Variants in BLTP1 observed in about 807,000 individuals in gnomAD.
BLTP1 encodes bridge-like lipid transfer protein family member 1.
At chr4:122,303,210 C>T in the BLTP1 span, among the ~76,000 whole-genome samples, 7 of 152,200 alleles carry the variant, frequency 4.6e-5, no homozygotes, top group Admixed American at 1.3e-4. Context: ...TTAAGAATTA[C>T]GCTAAATCTC....
the BLTP1 span, chr4:122,171,713 A>G: frequency 1.1e-4 from 54 of 500,818 alleles, no homozygotes; most frequent in African/African-American, 2.6e-4. Flanking sequence ...GGGTAGGAAT[A>G]TAAGTAGAGA....
At chr4:122,349,145 T>C in the BLTP1 span, 1 of 1,600,046 alleles carries the variant, frequency 6.2e-7, no homozygotes, top group Non-Finnish European at 8.5e-7. The surrounding 1 kb of genome is among the most constrained non-coding windows in gnomAD (Gnocchi z 4.5). Flanking sequence ...ATAACCTTTT[T>C]TTCATTTTTT....
the BLTP1 span, chr4:122,153,988 T>A: frequency 2.0e-6 from 2 of 984,696 alleles, no homozygotes; most frequent in Admixed American, 1.2e-4. Context: ...AAAGCCAGAA[T>A]ACCTTGTATA....
chr4:122,359,222 A>T, the BLTP1 span: 1 of 608,838 alleles, frequency 1.6e-6, no homozygotes, highest in African/African-American at 2.0e-5. Flanking sequence ...ATGTACCCTA[A>T]AACTTAAAAG....
the BLTP1 span, among the ~76,000 whole-genome samples, chr4:122,167,120 G>T: frequency 1.3e-5 from 2 of 152,240 alleles, no homozygotes; most frequent in Non-Finnish European, 2.9e-5. Context: ...TTGAGGTGTT[G>T]TTGCTCTCAG....
the BLTP1 span, chr4:122,152,908 T>A: frequency 2.8e-5 from 22 of 796,286 alleles, no homozygotes; most frequent in Non-Finnish European, 3.3e-5. Flanking sequence ...ACCCGCAGGC[T>A]CGGACTGCAG....
chr4:122,230,647 G>A, the BLTP1 span, among the ~76,000 whole-genome samples: 3 of 152,028 alleles, frequency 2.0e-5, no homozygotes, highest in Admixed American at 6.5e-5. Context: ...AAGACTAAGA[G>A]TACTCAGGCC....
chr4:122,222,013 A>T, the BLTP1 span: 1 of 515,450 alleles, frequency 1.9e-6, no homozygotes. Flanking sequence ...AGACTGAATT[A>T]TAAAGTATGA....
chr4:122,200,091 C>T, the BLTP1 span: 1 of 941,804 alleles, frequency 1.1e-6, no homozygotes, highest in Non-Finnish European at 1.3e-6. Context: ...TTCTTAATTT[C>T]TTGTCTTAAA....
the BLTP1 span, chr4:122,347,477 C>T: frequency 6.3e-7 from 1 of 1,575,476 alleles, no homozygotes; most frequent in South Asian, 1.2e-5. Context: ...GGGATTTTAC[C>T]CTGTTACTTT....
At chr4:122,168,426 A>C in the BLTP1 span, among the ~76,000 whole-genome samples, 1 of 152,210 alleles carries the variant, frequency 6.6e-6, no homozygotes, top group Non-Finnish European at 1.5e-5. Flanking sequence ...TTTCCTCCTT[A>C]GTGATGTGCT....
the BLTP1 span, chr4:122,172,335 G>A: frequency 1.4e-6 from 1 of 723,090 alleles, no homozygotes; most frequent in Non-Finnish European, 1.7e-6. Flanking sequence ...AGAGCAAATT[G>A]ATTATCAAAA....
At chr4:122,226,547 A>AC in the BLTP1 span, 1 of 1,461,992 alleles carries the variant, frequency 6.8e-7, no homozygotes, top group Non-Finnish European at 9.0e-7. Context: ...TATTAAAGGT[A>AC]GAAAAAAATC....
the BLTP1 span, among the ~76,000 whole-genome samples, chr4:122,329,230 G>A: frequency 6.9e-3 from 1,042 of 151,710 alleles, 11 homozygotes; most frequent in African/African-American, 0.024. Flanking sequence ...TTATTATTGA[G>A]TTGGGAACAG....
the BLTP1 span, chr4:122,289,004 T>C: frequency 2.9e-6 from 4 of 1,384,496 alleles, no homozygotes; most frequent in African/African-American, 4.4e-5. Flanking sequence ...ATCTCTTTTT[T>C]CCTCAGTTTA....
chr4:122,354,519 T>A, the BLTP1 span, among the ~76,000 whole-genome samples: 3 of 151,788 alleles, frequency 2.0e-5, no homozygotes, highest in Non-Finnish European at 2.9e-5. Context: ...CTTGTGATAG[T>A]GTGGTCATGA....
the BLTP1 span, chr4:122,298,680 TAAA>T: frequency 2.1e-5 from 1 of 46,948 alleles, no homozygotes. Context: ...CATATAATAA[TAAA>T]AAGATTTAAA....
chr4:122,206,042 T>C, the BLTP1 span: 2 of 983,412 alleles, frequency 2.0e-6, no homozygotes, highest in South Asian at 9.4e-5. Flanking sequence ...TTAAAAAAAC[T>C]TAAAGTACCA....
At chr4:122,346,264 T>C in the BLTP1 span, among the ~76,000 whole-genome samples, 1 of 152,170 alleles carries the variant, frequency 6.6e-6, no homozygotes, top group Non-Finnish European at 1.5e-5. Context: ...AGCTATTTGG[T>C]TTACAATTCC....
Sources: allele counts gnomAD v4.1 joint callset (sites outside exome capture counted in the v4.1 genomes callset), GRCh38; gene constraint gnomAD v4.1.1; non-coding constraint Gnocchi (gnomAD v3.1); transcripts MANE v1.5; gene names NCBI Gene and HGNC (gene_info 2026-07-23, HGNC 2026-07-21).